The following ANKS1B variants were observed in gnomAD, a reference collection of about 807,000 sequenced individuals.
The protein encoded by ANKS1B is ankyrin repeat and sterile alpha motif domain containing 1B, also known as ankyrin repeat and sterile alpha motif domain-containing protein 1B.
A neutral mutation model predicts 148.3 loss-of-function variants in ANKS1B; 36 were observed. The ratio of observed to expected loss-of-function variants is 0.24; its 90% CI spans 0.19 to 0.32. The LOEUF (loss-of-function observed/expected upper bound fraction) is 0.32, where lower values mean the gene tolerates loss of function less well. ANKS1B is among the 10% of genes least tolerant of loss of function. The pLI is 1.00. For missense variants in ANKS1B, 1,157 were observed against 1,542.6 expected, an observed-to-expected ratio of 0.75 and a Z score of 4.19; for synonymous variants, 542 against 560.8, an observed-to-expected ratio of 0.97 and a Z score of 0.47.
intron 10 of ANKS1B, among the ~76,000 whole-genome samples, chr12:99,470,845 T>C (rs1190647426): frequency 1.3e-5 from 2 of 152,140 alleles, no homozygotes; most frequent in African/African-American, 2.4e-5. Flanking sequence ...ACCCATACTT[T>C]GGTTACCTGA....
exon 10 of ANKS1B, chr12:98,735,157 A>T (rs1057002696): frequency 5.0e-6 from 2 of 398,718 alleles, no homozygotes; most frequent in Non-Finnish European, 8.8e-6. Flanking sequence ...TGCAAATTTC[A>T]TGGCAGTTCA....
chr12:99,561,075 T>C (rs1256846220), intron 9 of ANKS1B, among the ~76,000 whole-genome samples: 5 of 152,210 alleles, frequency 3.3e-5, no homozygotes, highest in African/African-American at 1.2e-4. Context: ...CTCAATCTCC[T>C]GACCTTGTGA....
chr12:98,814,749 C>T (rs1239619556), intron 19 of ANKS1B, among the ~76,000 whole-genome samples: 3 of 152,150 alleles, frequency 2.0e-5, no homozygotes, highest in Non-Finnish European at 4.4e-5. Context: ...TTTTTCTGAA[C>T]CTGAATTACT....
chr12:98,962,018 GAA>G (rs1568038405), intron 17 of ANKS1B, among the ~76,000 whole-genome samples: 1 of 150,384 alleles, frequency 6.6e-6, no homozygotes, highest in Non-Finnish European at 1.5e-5. Flanking sequence ...GGAAGGAAGA[GAA>G]GACCGCAAAA....
intron 1 of ANKS1B, among the ~76,000 whole-genome samples, chr12:99,953,365 T>C (rs1202825922): frequency 6.6e-6 from 1 of 152,072 alleles, no homozygotes; most frequent in Non-Finnish European, 1.5e-5. Context: ...GACATACCAT[T>C]TGGTGATTAG....
At position 98,983,386 on chromosome 12, in the gene ANKS1B, C is replaced by T. The variant is rs140479793; in HGVS notation, c.2778+69771G>A. 2.5e-3 allele frequency among the ~76,000 whole-genome samples: 376 copies of T among 152,244 alleles called. 7 individuals carry two copies. The South Asian group carries it at 0.044, about 18-fold the overall frequency. ...AGCCCCCTCCACTTATCAATGGAGA[C>T]CCTCCTTTGCATCAAATTCCTCTCA... On this transcript the variant is annotated intron_variant, in intron 17 of 26. Transcript: ENST00000683438.
At chr12:98,794,617 C>A (rs748822678) in intron 22 of ANKS1B, 3 of 810,408 alleles carry the variant, frequency 3.7e-6, no homozygotes, top group African/African-American at 1.7e-5. Flanking sequence ...AAAAGAAGTG[C>A]GATCCTCACA....
chr12:98,898,220 A>G (rs2099767498), intron 17 of ANKS1B, among the ~76,000 whole-genome samples: 1 of 152,222 alleles, frequency 6.6e-6, no homozygotes, highest in African/African-American at 2.4e-5. Flanking sequence ...AACAGCTGTT[A>G]ATTTTGCAAA....
intron 1 of ANKS1B, among the ~76,000 whole-genome samples, chr12:99,926,103 T>C (rs2094471813): frequency 6.6e-6 from 1 of 152,218 alleles, no homozygotes; most frequent in Non-Finnish European, 1.5e-5. Flanking sequence ...ATATGCATTT[T>C]GGATATAGTA....
chr12:99,796,122 CCCAA>C (rs1320281226), intron 4 of ANKS1B, among the ~76,000 whole-genome samples: 1 of 151,846 alleles, frequency 6.6e-6, no homozygotes, highest in Non-Finnish European at 1.5e-5. Context: ...GTGACTTGAA[CCCAA>C]GCAGTGCAAT....
chr12:98,903,056 T>C (rs1291611022), intron 17 of ANKS1B, among the ~76,000 whole-genome samples: 1 of 152,216 alleles, frequency 6.6e-6, no homozygotes, highest in African/African-American at 2.4e-5. Context: ...ATGGTGATTA[T>C]GTACATTATT....
intron 8 of ANKS1B, among the ~76,000 whole-genome samples, chr12:99,708,522 G>T (rs144999738): frequency 0.021 from 3,202 of 152,228 alleles, 32 homozygotes; most frequent in Non-Finnish European, 0.034. Flanking sequence ...TCCTCTAGAG[G>T]ATCTGGGAAT....
chr12:98,923,857 C>A (rs1390597234), intron 17 of ANKS1B, among the ~76,000 whole-genome samples: 2 of 152,178 alleles, frequency 1.3e-5, no homozygotes, highest in Non-Finnish European at 2.9e-5. Context: ...TTCTCAGGGC[C>A]ATTTATTGTC....
chr12:99,286,851 C>T (rs1369095425), intron 12 of ANKS1B, among the ~76,000 whole-genome samples: 1 of 151,934 alleles, frequency 6.6e-6, no homozygotes, highest in Admixed American at 6.6e-5. Flanking sequence ...AGAATGTTGT[C>T]TTGTGGTTTG....
At chr12:99,650,554 T>C (rs956644573) in intron 9 of ANKS1B, among the ~76,000 whole-genome samples, 12 of 152,210 alleles carry the variant, frequency 7.9e-5, no homozygotes, top group Admixed American at 7.2e-4. Context: ...TGCTTTGCAA[T>C]TGTCCCATAA....
At chr12:98,939,919 AAATACCC>A (rs906654906) in intron 17 of ANKS1B, among the ~76,000 whole-genome samples, 1 of 152,230 alleles carries the variant, frequency 6.6e-6, no homozygotes, top group African/African-American at 2.4e-5. Context: ...TGATGCCCCT[AAATACCC>A]ATTTGTCCTC....
chr12:99,567,979 C>A (rs1044155051), intron 9 of ANKS1B, among the ~76,000 whole-genome samples: 8 of 152,182 alleles, frequency 5.3e-5, no homozygotes, highest in African/African-American at 1.4e-4. Context: ...GACTTGACAA[C>A]AAGGACAATT....
At chr12:99,938,927 G>A (rs999233222) in intron 1 of ANKS1B, among the ~76,000 whole-genome samples, 1 of 152,266 alleles carries the variant, frequency 6.6e-6, no homozygotes, top group Admixed American at 6.5e-5. Context: ...AGCTTAAGGT[G>A]TAGAAGAAAA....
At chr12:99,388,065 T>C (rs2093941590) in intron 12 of ANKS1B, among the ~76,000 whole-genome samples, 1 of 152,142 alleles carries the variant, frequency 6.6e-6, no homozygotes, top group African/African-American at 2.4e-5. Flanking sequence ...TATATAAAAG[T>C]TATTAAGCAG....
Sources: allele counts gnomAD v4.1 joint callset (sites outside exome capture counted in the v4.1 genomes callset), GRCh38; gene constraint gnomAD v4.1.1; transcripts MANE v1.5; gene names NCBI Gene and HGNC (gene_info 2026-07-23, HGNC 2026-07-21).